DGKB: variants seen among roughly 807,000 people sequenced by gnomAD.
The protein encoded by DGKB is 90 kDa diacylglycerol kinase.
DGKB carries 67 observed loss-of-function variants against 114.3 expected under a neutral mutation model. The observed-to-expected ratio is 0.59, with a 90% CI of 0.48 to 0.72. The LOEUF is 0.72. Among genes scored for constraint, DGKB ranks in the 30% least tolerant of loss-of-function variants. The pLI is 0.00. For missense variants in DGKB, 907 were observed against 975.2 expected (o/e 0.93, Z 0.93); for synonymous variants, 398 against 323.1 (o/e 1.23, Z -2.49).
chr7:14,245,841 T>C (rs527493923), intron 23 of DGKB, among the ~76,000 whole-genome samples: 9 of 151,998 alleles, frequency 5.9e-5, no homozygotes, highest in Non-Finnish European at 1.3e-4. Context: ...GGCAGGAGAA[T>C]TGCTTGAACC....
chr7:14,409,713 C>CAAA lies in DGKB; in HGVS notation c.1836-64325_1836-64323dup, dbSNP rs1164493208. ...TGGGCGACAGAGCGAGACTCCGTCTCAAAAAAAAAAAAAAAAAAAAAAAAA... is the reference window on the plus strand; with the variant it reads ...TGGGCGACAGAGCGAGACTCCGTCTCAAAAAAAAAAAAAAAAAAAAAAAAAAAA... On this transcript the variant is annotated intron_variant, in intron 21 of 25. Transcript: ENST00000402815. 5.3e-3 allele frequency among the ~76,000 whole-genome samples: 471 copies of CAAA among 88,308 alleles called. 192 individuals carry two copies. Among genetic ancestry groups the CAAA allele is most frequent in the African/African-American group, 0.015 (272 of 18,214 alleles). 57.9% of individuals were successfully genotyped at this position (88,308 alleles called of 152,430 possible).
rs148608289 is a variant in DGKB at position 14,936,867 on chromosome 7, G to A, written c.-188+37829C>T. On this transcript the variant is annotated intron_variant, in intron 1 of 4. Transcript: ENST00000437998. ...GGCAGAGAATACTTAAATCATTGCA[G>A]TGGTGACACTTGGAGGGGACTAGGC... 2.7e-3 allele frequency among the ~76,000 whole-genome samples: 412 copies of A among 152,186 alleles called. 1 individual carries two copies. Among genetic ancestry groups the A allele is most frequent in the South Asian group, 7.1e-3 (34 of 4,820 alleles).
chr7:14,779,140 A>T (rs565112178), intron 2 of DGKB, among the ~76,000 whole-genome samples: 1 of 152,212 alleles, frequency 6.6e-6, no homozygotes, highest in Non-Finnish European at 1.5e-5. Context: ...TGGGAGACAG[A>T]GTGAGACTCC....
At chr7:14,562,685 C>T (rs1796842576) in intron 20 of DGKB, among the ~76,000 whole-genome samples, 1 of 152,096 alleles carries the variant, frequency 6.6e-6, no homozygotes, top group Non-Finnish European at 1.5e-5. Flanking sequence ...GACGATTTCT[C>T]CCATTTGGAA....
intron 23 of DGKB, among the ~76,000 whole-genome samples, chr7:14,222,903 T>C (rs1790227013): frequency 6.6e-6 from 1 of 151,658 alleles, no homozygotes; most frequent in South Asian, 2.1e-4. Flanking sequence ...AATGTCCTTC[T>C]TTATCTCTGG....
intron 23 of DGKB, among the ~76,000 whole-genome samples, chr7:14,240,172 A>G (rs1322706708): frequency 6.6e-6 from 1 of 152,032 alleles, no homozygotes; most frequent in African/African-American, 2.4e-5. Context: ...CTTTTCTGCC[A>G]AAGAGATTTC....
intron 23 of DGKB, among the ~76,000 whole-genome samples, chr7:14,198,009 G>A (rs114763180): frequency 0.012 from 1,783 of 152,060 alleles, 42 homozygotes; most frequent in African/African-American, 0.041. Flanking sequence ...GTGGGGAAAG[G>A]GTGAAAGAAT....
At chr7:14,821,329 C>T (rs1003471341) in intron 2 of DGKB, among the ~76,000 whole-genome samples, 1 of 151,954 alleles carries the variant, frequency 6.6e-6, no homozygotes, top group Admixed American at 6.6e-5. Context: ...AGTAAACTAT[C>T]TTCAGAAACT....
At chr7:14,962,418 T>C (rs926830914) in intron 1 of DGKB, among the ~76,000 whole-genome samples, 8 of 152,168 alleles carry the variant, frequency 5.3e-5, no homozygotes, top group African/African-American at 1.7e-4. Context: ...ATTGCATTAA[T>C]ATTTTTAGAT....
At chr7:14,773,135 T>C (rs1304441582) in intron 2 of DGKB, among the ~76,000 whole-genome samples, 1 of 152,206 alleles carries the variant, frequency 6.6e-6, no homozygotes, top group East Asian at 1.9e-4. Context: ...AGCATCATTG[T>C]ATATAGAATG....
At chr7:14,345,197 A>T (rs1812278124) in intron 22 of DGKB, 104 bp downstream of exon 22, 2 of 629,992 alleles carry the variant, frequency 3.2e-6, no homozygotes, top group Non-Finnish European at 5.4e-6. Flanking sequence ...GTCTCTGTGG[A>T]TTGCTAATAT....
At chr7:14,612,671 A>G (rs1309539745) in intron 16 of DGKB, among the ~76,000 whole-genome samples, 1 of 151,964 alleles carries the variant, frequency 6.6e-6, no homozygotes, top group African/African-American at 2.4e-5. Flanking sequence ...TGAGATTAGG[A>G]GAGTTATCTA....
chr7:14,552,654 A>G (rs1795265239), intron 20 of DGKB, among the ~76,000 whole-genome samples: 1 of 152,236 alleles, frequency 6.6e-6, no homozygotes, highest in African/African-American at 2.4e-5. Context: ...AAGACTTAAA[A>G]TAATTGTTTT....
intron 20 of DGKB, among the ~76,000 whole-genome samples, chr7:14,563,342 T>G (rs565089221): frequency 1.3e-5 from 2 of 152,342 alleles, no homozygotes; most frequent in East Asian, 3.9e-4. Flanking sequence ...ACTTTGGAGA[T>G]TAACTCTTGT....
intron 25 of DGKB, among the ~76,000 whole-genome samples, chr7:14,172,487 G>T (rs1008548321): frequency 1.3e-5 from 2 of 152,100 alleles, no homozygotes; most frequent in Non-Finnish European, 2.9e-5. Flanking sequence ...TCATTATATG[G>T]ACACGTAAAT....
At chr7:14,783,296 T>A (rs1272075637) in intron 2 of DGKB, among the ~76,000 whole-genome samples, 4 of 152,300 alleles carry the variant, frequency 2.6e-5, no homozygotes, top group South Asian at 4.1e-4. Flanking sequence ...CCAAAGAGAA[T>A]ACATTAAGCA....
intron 23 of DGKB, among the ~76,000 whole-genome samples, chr7:14,312,912 G>C (rs547370788): frequency 6.6e-6 from 1 of 152,086 alleles, no homozygotes; most frequent in Non-Finnish European, 1.5e-5. Flanking sequence ...TTTTGATATT[G>C]TATAATAATC....
intron 21 of DGKB, among the ~76,000 whole-genome samples, chr7:14,393,543 A>T (rs541765748): frequency 6.6e-6 from 1 of 152,116 alleles, no homozygotes; most frequent in African/African-American, 2.4e-5. Flanking sequence ...CTTGGACTGC[A>T]AAGTATGAGA....
intron 1 of DGKB, among the ~76,000 whole-genome samples, chr7:14,972,862 C>T (rs1388467558): frequency 6.6e-6 from 1 of 152,102 alleles, no homozygotes; most frequent in African/African-American, 2.4e-5. Context: ...CCACTCTAAA[C>T]ACAAAGCATG....
Sources: gnomAD v4.1 joint callset for allele counts (sites outside exome capture counted in the v4.1 genomes callset) on GRCh38, gnomAD v4.1.1 for gene constraint, MANE v1.5 for transcripts, NCBI Gene and HGNC (gene_info 2026-07-23, HGNC 2026-07-21) for gene names.